The following ACO2 variants were observed in gnomAD, a reference collection of about 807,000 sequenced individuals.
The protein encoded by ACO2 is aconitate hydratase, mitochondrial.
A neutral mutation model predicts 84.5 loss-of-function variants in ACO2; 31 were observed. That is an observed-to-expected ratio of 0.37 (90% CI 0.28 to 0.50). ACO2 has a LOEUF of 0.50. Among genes scored for constraint, ACO2 ranks in the 20% least tolerant of loss-of-function variants. ACO2 has a pLI of 0.97. For synonymous variants in ACO2, 414 were observed against 412.7 expected, an observed-to-expected ratio of 1.00 and a Z score of -0.04; for missense variants, 685 against 1,029.3, an observed-to-expected ratio of 0.67 and a Z score of 4.58.
chr22:41,497,084 T>C lies in ACO2; in HGVS notation c.37-2642T>C, dbSNP rs528771172. On this transcript the variant is annotated intron_variant, in intron 1 of 17. Transcript: ENST00000216254. Reference sequence around the variant, plus strand: ...CTGTCATTTCTTTTTTCTTTTTTTTTTCGAGACGGAGTTTCGCTCTGTCAC... The same window carrying C: ...CTGTCATTTCTTTTTTCTTTTTTTTCTCGAGACGGAGTTTCGCTCTGTCAC... Among the ~76,000 whole-genome samples, 75 of 152,040 alleles carry C rather than the reference T, an allele frequency of 4.9e-4. 1 individual carries two copies. The highest frequency in any genetic ancestry group is 1.4e-3 in the Admixed American group (21 of 15,268).
chr22:41,476,729 AAAAC>A (rs1427748035), intron 1 of ACO2, among the ~76,000 whole-genome samples: 1 of 152,096 alleles, frequency 6.6e-6, no homozygotes, highest in Non-Finnish European at 1.5e-5. Context: ...ACAAAACAAA[AAAAC>A]AAAAAAACAC....
chr22:41,528,968 A>G lies in ACO2; in HGVS notation c.*355A>G. 1.9e-6 allele frequency: 1 copy of G among 524,710 alleles called. No homozygotes were observed. The highest frequency in any genetic ancestry group is 2.7e-5 in the South Asian group (1 of 37,692). 32.5% of individuals were successfully genotyped at this position (524,710 alleles called of 1,614,324 possible). The stretch of plus-strand genomic sequence containing the variant: ...GTTCTTGCAAGGAAAACAAGAATCC[A>G]AAACCAGTGACTGTTCTGTGAGTGA... On this transcript the variant is annotated 3_prime_UTR_variant, in exon 18 of 18. Transcript: ENST00000216254.
At chr22:41,526,126 T>C in intron 14 of ACO2, 136 bp from the exon 15 acceptor site, 1 of 708,538 alleles carries the variant, frequency 1.4e-6, no homozygotes, top group Non-Finnish European at 2.4e-6. Context: ...AGAACACGTG[T>C]CTGAAGACTT....
intron 16 of ACO2, 135 bp downstream of exon 16, chr22:41,527,555 C>A: frequency 8.0e-7 from 1 of 1,246,270 alleles, no homozygotes; most frequent in Non-Finnish European, 1.1e-6. Context: ...GCCTCTTGCC[C>A]CTTCTTAGGC....
Position 41,522,816 on chromosome 22 carries a change from C to A in ACO2, c.1139-14C>A. ...TCCTCCTGACCCTTAACCCCACCAC[C>A]CACAATGCACCAGGTCTAATTGGTA... On this transcript the variant is annotated splice_polypyrimidine_tract_variant and intron_variant, in intron 9 of 17. Coordinates refer to ENST00000216254, the MANE Select transcript of ACO2 (RefSeq NM_001098.3). 6.2e-7 allele frequency: 1 copy of A among 1,613,840 alleles called. No homozygotes were observed. Among genetic ancestry groups the A allele is most frequent in the Non-Finnish European group, 8.5e-7 (1 of 1,179,842 alleles).
Position 41,515,981 on chromosome 22 carries a change from G to A in ACO2, c.835+64G>A. On this transcript the variant is annotated intron_variant, in intron 6 of 17. Coordinates refer to ENST00000216254, the MANE Select transcript of ACO2 (RefSeq NM_001098.3). The surrounding 1 kb of genome is among the most constrained non-coding windows in gnomAD (Gnocchi z 5.8). ...GCTGGGCCTGATGGGTCTCCAGTTG[G>A]GAGTAGAAGCGGTGAATGGCCTTCA... is the stretch of plus-strand genomic sequence containing the variant. 1 of 1,568,128 alleles carries A rather than the reference G, an allele frequency of 6.4e-7. No homozygotes were observed. The highest frequency in any genetic ancestry group is 8.7e-7 in the Non-Finnish European group (1 of 1,154,002).
chr22:41,508,788 G>A (rs2066412865), intron 3 of ACO2, among the ~76,000 whole-genome samples: 1 of 152,196 alleles, frequency 6.6e-6, no homozygotes, highest in Non-Finnish European at 1.5e-5. Context: ...CCAGCTCTGG[G>A]CCTCCCCACT....
At chr22:41,490,213 C>T (rs1333575267) in intron 1 of ACO2, among the ~76,000 whole-genome samples, 2 of 152,108 alleles carry the variant, frequency 1.3e-5, no homozygotes, top group African/African-American at 4.8e-5. Flanking sequence ...GTCCCAGCTA[C>T]TCAGTGGGGG....
At chr22:41,493,070 G>A (rs1000653213) in intron 1 of ACO2, among the ~76,000 whole-genome samples, 7 of 152,190 alleles carry the variant, frequency 4.6e-5, no homozygotes, top group Admixed American at 2.6e-4. Flanking sequence ...AAGGCGTAAG[G>A]GCAAGAGAGA....
At chr22:41,495,853 G>A (rs931375001) in intron 1 of ACO2, among the ~76,000 whole-genome samples, 2 of 147,266 alleles carry the variant, frequency 1.4e-5, no homozygotes, top group Non-Finnish European at 3.0e-5. Context: ...CACCCACCTC[G>A]GCCTCCCAAA....
chr22:41,502,142 G>T (rs571199776), intron 2 of ACO2, among the ~76,000 whole-genome samples: 1 of 152,276 alleles, frequency 6.6e-6, no homozygotes, highest in African/African-American at 2.4e-5. Flanking sequence ...GTTCTTGTGG[G>T]TTTCTTCTGG....
At chr22:41,488,023 G>A (rs1200755411) in intron 1 of ACO2, among the ~76,000 whole-genome samples, 1 of 152,072 alleles carries the variant, frequency 6.6e-6, no homozygotes. Flanking sequence ...AACATGATCT[G>A]GTTTGAGCCT....
In ACO2 at chr22:41,519,293, G is replaced by A. The variant is rs1238411325; in HGVS notation, c.1032+721G>A. 2.6e-5 allele frequency among the ~76,000 whole-genome samples: 4 copies of A among 152,178 alleles called. No homozygotes were observed. The East Asian group carries it at 7.7e-4, about 29-fold the overall frequency. ...CCCGTCTGCAGGAGTTCACACCTCG[G>A]CTCTGCCACTTAAGTTGTGTGGCCT... On this transcript the variant is annotated intron_variant, in intron 8 of 17. Coordinates refer to ENST00000216254, the MANE Select transcript of ACO2 (RefSeq NM_001098.3).
rs1391950157 is a variant in ACO2, at chr22:41,524,851, C to A, written c.1488C>A (p.Val496=). ...THAFVTSPEI[V]TALAIAGTLK... ...ACTGGCCACCTCCATTTCAGATTGT[C>A]ACAGCCCTGGCCATTGCGGGAACCC... is the stretch of plus-strand genomic sequence containing the variant. Residue 496 remains valine (V), a synonymous_variant, in exon 13 of 18, where the codon GTC becomes GTA. Coordinates refer to ENST00000216254, the MANE Select transcript of ACO2 (RefSeq NM_001098.3). 6.2e-7 allele frequency: 1 copy of A among 1,614,168 alleles called. No homozygotes were observed. The highest frequency in any genetic ancestry group is 1.7e-5 in the Admixed American group (1 of 60,030).
In ACO2 at chr22:41,515,578, G is replaced by A. The variant is rs752585771; in HGVS notation, c.684+43G>A. Reference sequence around the variant, plus strand: ...CTCATTCTGGGCTGGCTGTGGGGTGGTGGTTGGTGGGGATGAACGGGAGAC... The same window carrying A: ...CTCATTCTGGGCTGGCTGTGGGGTGATGGTTGGTGGGGATGAACGGGAGAC... On this transcript the variant is annotated intron_variant, in intron 5 of 17. Coordinates refer to ENST00000216254, the MANE Select transcript of ACO2 (RefSeq NM_001098.3). This position sits in a 1 kb window ranked among gnomAD's most constrained non-coding sequence, Gnocchi z 5.8. The A allele has an allele frequency of 4.4e-6, 7 of 1,585,910 alleles. No homozygotes were observed. The highest frequency in any genetic ancestry group is 2.7e-5 in the African/African-American group (2 of 74,266).
chr22:41,476,702 T>C (rs1413712625), intron 1 of ACO2, among the ~76,000 whole-genome samples: 2 of 152,036 alleles, frequency 1.3e-5, no homozygotes, highest in African/African-American at 4.8e-5. Context: ...AGAGCGAGAC[T>C]CTGTCTCAAA....
At chr22:41,488,428 A>T (rs2066247715) in intron 1 of ACO2, among the ~76,000 whole-genome samples, 1 of 152,196 alleles carries the variant, frequency 6.6e-6, no homozygotes, top group African/African-American at 2.4e-5. Flanking sequence ...TGGAAGCCTC[A>T]TGGTAACAGC....
At chr22:41,508,666 T>C (rs1012176623) in intron 3 of ACO2, among the ~76,000 whole-genome samples, 1 of 152,218 alleles carries the variant, frequency 6.6e-6, no homozygotes, top group African/African-American at 2.4e-5. Flanking sequence ...TATGCCATGC[T>C]GAAGGCTTTT....
chr22:41,527,699 GCCTCGCAGA>G, intron 16 of ACO2, 193 bp from the exon 17 acceptor site: 1 of 845,730 alleles, frequency 1.2e-6, no homozygotes, highest in Non-Finnish European at 1.8e-6. Context: ...CAGCAGGAAG[GCCTCGCAGA>G]CCTCAGCACC....
Sources: gnomAD v4.1 joint callset for allele counts (sites outside exome capture counted in the v4.1 genomes callset) on GRCh38, gnomAD v4.1.1 for gene constraint, Gnocchi (gnomAD v3.1) non-coding constraint, MANE v1.5 for transcripts, NCBI Gene and HGNC (gene_info 2026-07-23, HGNC 2026-07-21) for gene names.